Variants in PDE10A observed in about 807,000 individuals in gnomAD.
PDE10A encodes the protein cAMP and cAMP-inhibited cGMP 3',5'-cyclic phosphodiesterase 10A.
In PDE10A, 39 loss-of-function variants were observed where a neutral mutation model predicts 97.7. That is an observed-to-expected ratio of 0.40 (90% CI 0.31 to 0.52). The LOEUF is 0.52. PDE10A is among the 20% of genes least tolerant of loss of function. The probability of loss-of-function intolerance (pLI) is 0.56; values close to 1 mark genes in which losing one functional copy is unlikely to be tolerated. For missense variants in PDE10A, 731 were observed against 1,047.8 expected, an observed-to-expected ratio of 0.70 and a Z score of 4.17; for synonymous variants, 371 against 376.8, an observed-to-expected ratio of 0.98 and a Z score of 0.18.
chr6:165,687,854 A>T (rs1209415136), intron 1 of PDE10A, among the ~76,000 whole-genome samples: 1 of 152,196 alleles, frequency 6.6e-6, no homozygotes, highest in Non-Finnish European at 1.5e-5. Context: ...TTTAATCTTC[A>T]AACAGCCTGG....
chr6:165,784,287 A>G (rs189498521), intron 1 of PDE10A, among the ~76,000 whole-genome samples: 56 of 152,192 alleles, frequency 3.7e-4, no homozygotes, highest in Admixed American at 3.4e-3. Flanking sequence ...GTGGACGTGT[A>G]GCATCCACCC....
At chr6:165,837,658 GGT>G (rs1780099773) in intron 1 of PDE10A, among the ~76,000 whole-genome samples, 1 of 129,710 alleles carries the variant, frequency 7.7e-6, no homozygotes, top group African/African-American at 3.0e-5. Context: ...TATCTCTCCT[GGT>G]TTTTTTTTTT....
intron 13 of PDE10A, among the ~76,000 whole-genome samples, 194 bp downstream of exon 13, chr6:165,413,306 AT>A (rs1376429531): frequency 6.6e-6 from 1 of 151,996 alleles, no homozygotes; most frequent in Non-Finnish European, 1.5e-5. Context: ...AACGCAAACT[AT>A]TAGGAGACTG....
intron 18 of PDE10A, among the ~76,000 whole-genome samples, chr6:165,350,064 G>A (rs1414753656): frequency 6.6e-6 from 1 of 152,220 alleles, no homozygotes; most frequent in Non-Finnish European, 1.5e-5. Context: ...TTGGGGCAGT[G>A]CCTTGTGGAG....
intron 1 of PDE10A, among the ~76,000 whole-genome samples, chr6:165,726,573 G>A (rs187822726): frequency 3.3e-5 from 5 of 152,240 alleles, no homozygotes; most frequent in Admixed American, 6.5e-5. Flanking sequence ...CACGATGCCC[G>A]CTCCCCCCGG....
In PDE10A at chr6:165,468,239, AG is replaced by A. The variant is rs1248402208; in HGVS notation, c.1023+14075del. On this transcript the variant is annotated intron_variant, in intron 3 of 21. Coordinates refer to ENST00000539869, the MANE Select transcript of PDE10A (RefSeq NM_001385079.1). The stretch of plus-strand genomic sequence containing the variant: ...GATTGCAGGTGCCTACCACCATGCT[AG>A]GCTAATTTTTTTTTATTTTTTTTTT... Among the ~76,000 whole-genome samples, 4 of 151,222 alleles carry A rather than the reference AG, an allele frequency of 2.6e-5. No individual in the cohort carries two copies. In the East Asian group the frequency reaches 7.8e-4, roughly 29 times the overall value.
chr6:165,462,740 ATT>A (rs1778402200), intron 3 of PDE10A, among the ~76,000 whole-genome samples: 1 of 152,242 alleles, frequency 6.6e-6, no homozygotes, highest in Admixed American at 6.5e-5. Context: ...ACAATGAGTA[ATT>A]TAATGGTAGC....
chr6:165,776,881 G>A (rs927742623), intron 1 of PDE10A, among the ~76,000 whole-genome samples: 2 of 152,194 alleles, frequency 1.3e-5, no homozygotes, highest in Non-Finnish European at 2.9e-5. Context: ...GACCACATCA[G>A]CCTCAGGACT....
intron 3 of PDE10A, among the ~76,000 whole-genome samples, chr6:165,470,942 C>T (rs1015720504): frequency 1.3e-5 from 2 of 152,178 alleles, no homozygotes; most frequent in Non-Finnish European, 2.9e-5. Flanking sequence ...TTTGTTGCCT[C>T]TTTATAGCTT....
At chr6:165,387,785 T>C (rs1367425214) in intron 17 of PDE10A, among the ~76,000 whole-genome samples, 1 of 152,168 alleles carries the variant, frequency 6.6e-6, no homozygotes, top group African/African-American at 2.4e-5. Context: ...TTGAGAAAAA[T>C]CATTTAAGAA....
At chr6:165,536,783 G>T (rs894727862) in intron 2 of PDE10A, among the ~76,000 whole-genome samples, 1 of 151,780 alleles carries the variant, frequency 6.6e-6, no homozygotes, top group African/African-American at 2.4e-5. Context: ...AATGACTGTT[G>T]TCAAAAAAGA....
At chr6:165,438,087 T>C (rs1790155817) in intron 5 of PDE10A, among the ~76,000 whole-genome samples, 2 of 152,218 alleles carry the variant, frequency 1.3e-5, no homozygotes, top group Admixed American at 1.3e-4. Context: ...ACAGATACTG[T>C]CAAGTAGGAT....
chr6:165,424,376 T>G (rs1304204080), intron 10 of PDE10A, among the ~76,000 whole-genome samples: 2 of 152,180 alleles, frequency 1.3e-5, no homozygotes, highest in Non-Finnish European at 2.9e-5. Context: ...CTCCAGTTAC[T>G]ATGTATTATA....
chr6:165,379,283 G>C lies in PDE10A; in HGVS notation c.2694C>G (p.Ala898=). The stretch of plus-strand genomic sequence containing the variant: ...TTCCAAAGTATAAAGCAAGGTCTGT[G>C]GCAATGATGGCTTTGCGGATGATCT... ...VLEIIRKAII[A]TDLALYFGNR... is the part of the protein sequence containing the mutation. Residue 898 remains alanine, a synonymous_variant, in exon 18 of 22, where the codon GCC becomes GCG. Coordinates refer to ENST00000539869, the MANE Select transcript of PDE10A (RefSeq NM_001385079.1). 1 of 1,613,526 alleles carries C rather than the reference G, an allele frequency of 6.2e-7. No individual in the cohort carries two copies. The highest frequency in any genetic ancestry group is 2.2e-5 in the East Asian group (1 of 44,862).
chr6:165,569,511 T>C (rs1784947008), intron 1 of PDE10A, among the ~76,000 whole-genome samples: 1 of 152,166 alleles, frequency 6.6e-6, no homozygotes, highest in Non-Finnish European at 1.5e-5. Context: ...TCTGAATGTT[T>C]GTGTCTTCCC....
At chr6:165,343,561 T>A in intron 18 of PDE10A, 59 bp from the exon 19 acceptor site, 1 of 1,166,960 alleles carries the variant, frequency 8.6e-7, no homozygotes, top group East Asian at 2.3e-5. Flanking sequence ...TAGTAAGGAC[T>A]AGAAAGACTT....
At chr6:165,719,535 T>C (rs1333383330) in intron 1 of PDE10A, among the ~76,000 whole-genome samples, 8 of 152,208 alleles carry the variant, frequency 5.3e-5, no homozygotes, top group African/African-American at 1.9e-4. Context: ...AATCTAGTCT[T>C]AACAAAGGGA....
At chr6:165,403,011 C>T (rs900611653) in intron 13 of PDE10A, among the ~76,000 whole-genome samples, 2 of 152,178 alleles carry the variant, frequency 1.3e-5, no homozygotes, top group African/African-American at 4.8e-5. Flanking sequence ...AATCTCTTGT[C>T]CATCATTTAC....
intron 1 of PDE10A, among the ~76,000 whole-genome samples, chr6:165,659,677 T>C (rs891597219): frequency 6.6e-6 from 1 of 152,228 alleles, no homozygotes; most frequent in Non-Finnish European, 1.5e-5. Flanking sequence ...GGGCAAGGTG[T>C]GGGGCGAGGG....
Sources: gnomAD v4.1 joint callset for allele counts (sites outside exome capture counted in the v4.1 genomes callset) on GRCh38, gnomAD v4.1.1 for gene constraint, MANE v1.5 for transcripts, NCBI Gene and HGNC (gene_info 2026-07-23, HGNC 2026-07-21) for gene names.